Variants in CILK1 observed in about 807,000 individuals in gnomAD.
CILK1 encodes ciliogenesis associated kinase 1.
In CILK1, 47 loss-of-function variants were observed where a neutral mutation model predicts 79.2. The ratio of observed to expected loss-of-function variants is 0.59; its 90% CI spans 0.47 to 0.76. The LOEUF is 0.76. CILK1 is among the 30% of genes least tolerant of loss of function. CILK1 has a pLI of 0.00. For missense variants in CILK1, 660 were observed against 769.5 expected (o/e 0.86, Z 1.68); for synonymous variants, 266 against 275.9 (o/e 0.96, Z 0.36).
intron 5 of CILK1, among the ~76,000 whole-genome samples, chr6:53,022,025 A>T (rs1004155232): frequency 2.0e-5 from 3 of 152,178 alleles, no homozygotes; most frequent in African/African-American, 7.2e-5. Flanking sequence ...CAAAAAAGTT[A>T]AAAAAGTAAT....
chr6:53,059,908 A>C (rs1183916300), intron 1 of CILK1, among the ~76,000 whole-genome samples: 2 of 152,204 alleles, frequency 1.3e-5, no homozygotes, highest in African/African-American at 4.8e-5. Context: ...GAGCTTACTA[A>C]GAGTCAGGCT....
At chr6:53,048,371 C>T (rs954409839) in intron 1 of CILK1, among the ~76,000 whole-genome samples, 8 of 152,120 alleles carry the variant, frequency 5.3e-5, no homozygotes, top group African/African-American at 1.9e-4. Flanking sequence ...AGAACAAGAA[C>T]CATGACCACT....
At position 53,029,581 on chromosome 6, in the gene CILK1, T is replaced by C. The variant is rs566113169; in HGVS notation, c.358+1484A>G. Among the ~76,000 whole-genome samples the C allele has an allele frequency of 2.0e-5, 3 of 152,332 alleles. No homozygotes were observed. In the East Asian group the frequency reaches 5.8e-4, roughly 29 times the overall value. On this transcript the variant is annotated intron_variant, in intron 5 of 13. Coordinates refer to ENST00000676107, the MANE Select transcript of CILK1 (RefSeq NM_014920.5). Reference sequence around the variant, plus strand: ...GCTGGTAATGATCCCAGATGCACTATGCCACCTTCTTCAGCACAAGGTCTT... The same window carrying C: ...GCTGGTAATGATCCCAGATGCACTACGCCACCTTCTTCAGCACAAGGTCTT...
chr6:53,015,261 TG>T (rs1764826872), intron 8 of CILK1, among the ~76,000 whole-genome samples: 1 of 152,220 alleles, frequency 6.6e-6, no homozygotes, highest in Non-Finnish European at 1.5e-5. Flanking sequence ...AGGGGCCAGA[TG>T]TAACTACCAC....
intron 1 of CILK1, among the ~76,000 whole-genome samples, chr6:53,055,057 G>T (rs1056929616): frequency 3.3e-5 from 5 of 152,192 alleles, no homozygotes; most frequent in Admixed American, 2.6e-4. Context: ...TGGGAGTTGT[G>T]GTTTACCAGG....
Position 53,019,303 on chromosome 6 carries a change from C to T in CILK1, c.415G>A (p.Val139Met). ...ENLLCMGPEL[V>M]KIADFGLARE... ...GCCAAACCAAAGTCTGCAATTTTCA[C>T]AAGTTCTGGTCCCATGCAGAGGAGG... Residue 139 changes from valine to methionine, a missense_variant, in exon 6 of 14, where the codon GTG becomes ATG. Transcript: ENST00000676107. The T allele has an allele frequency of 1.2e-6, 2 of 1,614,052 alleles. No individual in the cohort carries two copies. The highest frequency in any genetic ancestry group is 1.7e-6 in the Non-Finnish European group (2 of 1,179,920).
intron 4 of CILK1, among the ~76,000 whole-genome samples, chr6:53,031,727 A>C (rs1005561821): frequency 6.6e-6 from 1 of 152,224 alleles, no homozygotes; most frequent in Non-Finnish European, 1.5e-5. Flanking sequence ...AGGTCTCAAA[A>C]TCCAGGAAGC....
In CILK1 at chr6:53,030,940, T is replaced by G. The variant is rs1169338090; in HGVS notation, c.358+125A>C. The G allele has an allele frequency of 2.6e-5, 18 of 705,836 alleles. No homozygotes were observed. In the Admixed American group the frequency reaches 3.8e-4, roughly 15 times the overall value. 43.7% of individuals were successfully genotyped at this position (705,836 alleles called of 1,614,324 possible). A position where few individuals can be genotyped will look rare whatever the true frequency, so the allele number is the denominator to read the frequency against. On this transcript the variant is annotated intron_variant, in intron 5 of 13. Transcript: ENST00000676107. ...AGTTAATATATTTTAAAATCCATTGTCAGCCTCTCAACTCTTCAACCTTTT... is the reference window on the plus strand; with the variant it reads ...AGTTAATATATTTTAAAATCCATTGGCAGCCTCTCAACTCTTCAACCTTTT...
intron 8 of CILK1, among the ~76,000 whole-genome samples, chr6:53,014,697 A>G (rs986713348): frequency 6.6e-5 from 10 of 152,154 alleles, no homozygotes; most frequent in Non-Finnish European, 1.2e-4. Context: ...GTGTAGATAC[A>G]GAGGCAATTA....
In CILK1 at chr6:53,004,104, ACCTCTGCCATAACTCTTTCTGCTC is replaced by A. The variant is rs1764080702; in HGVS notation, c.*1021_*1044del. The stretch of plus-strand genomic sequence containing the variant: ...GACTGTGACTTTGTAGATGAGTGGA[ACCTCTGCCATAACTCTTTCTGCTC>A]CCCAAATTGTCCTGAGAATTTGGCT... On this transcript the variant is annotated 3_prime_UTR_variant, in exon 14 of 14. Transcript: ENST00000676107. The A allele has an allele frequency of 6.6e-6, 1 of 152,664 alleles. No individual in the cohort carries two copies. Among genetic ancestry groups the A allele is most frequent in the Non-Finnish European group, 1.5e-5 (1 of 68,052 alleles). 9.5% of individuals were successfully genotyped at this position (152,664 alleles called of 1,614,324 possible).
Position 53,032,591 on chromosome 6 carries a change from G to C in CILK1, c.220C>G (p.His74Asp), listed in dbSNP as rs1029888913. The C allele has an allele frequency of 6.2e-7, 1 of 1,605,532 alleles. No individual in the cohort carries two copies. Among genetic ancestry groups the C allele is most frequent in the Non-Finnish European group, 8.5e-7 (1 of 1,173,476 alleles). Residue 74 changes from histidine (H) to aspartate (D), a missense_variant, in exon 4 of 14, where the codon CAT becomes GAT. His to Asp is a moderately conservative substitution (Grantham distance 81). Coordinates refer to ENST00000676107, the MANE Select transcript of CILK1 (RefSeq NM_014920.5). ...ATGTACTCGAAGATAAAATAAAGAT[G>C]ATCATTTTCCCTGATAACTTCTTTT... ...KLKEVIREND[H>D]LYFIFEYMKE...
In CILK1 at chr6:53,045,250, TA is replaced by T. The variant is rs1766982651; in HGVS notation, c.-172-3843del. ...AATAGATTGGATTCAGGCTGTGCCTTAACCCAAAAAGTATATTTGGACCACA... is the reference window on the plus strand; with the variant it reads ...AATAGATTGGATTCAGGCTGTGCCTTACCCAAAAAGTATATTTGGACCACA... On this transcript the variant is annotated intron_variant, in intron 1 of 13. Transcript: ENST00000676107. 2.0e-5 allele frequency among the ~76,000 whole-genome samples: 3 copies of T among 152,340 alleles called. No homozygotes were observed. In the South Asian group the frequency reaches 6.2e-4, roughly 32 times the overall value.
At chr6:53,028,944 T>A (rs1056485596) in intron 5 of CILK1, among the ~76,000 whole-genome samples, 1 of 152,076 alleles carries the variant, frequency 6.6e-6, no homozygotes, top group African/African-American at 2.4e-5. Flanking sequence ...GTGTGGTCTA[T>A]GTGTTTGTGT....
chr6:53,053,052 G>GAAA (rs11413920), intron 1 of CILK1, among the ~76,000 whole-genome samples: 2 of 143,060 alleles, frequency 1.4e-5, no homozygotes. Flanking sequence ...GTAAAAGCCT[G>GAAA]AAAAAAAAAA....
Position 53,013,820 on chromosome 6 carries a change from G to A in CILK1, c.994C>T (p.Arg332Ter), listed in dbSNP as rs1294631842. The change falls in exon 9 of 14, where the codon CGA becomes TGA. Residue 332 changes from arginine to a stop codon, truncating the protein, a stop_gained. Coordinates refer to ENST00000676107, the MANE Select transcript of CILK1 (RefSeq NM_014920.5). LOFTEE classifies it high-confidence loss of function. ...GCTTGATGCTGTCGTGAAGAAATTC[G>A]TGTGTGTGGCTTGGCTGGTGGCTGG... ...PAQPPAKPHT[R>*]ISSRQHQASQ... 4.3e-6 allele frequency: 7 copies of A among 1,613,740 alleles called. No homozygotes were observed. Among genetic ancestry groups the A allele is most frequent in the African/African-American group, 2.7e-5 (2 of 74,874 alleles).
Position 53,011,760 on chromosome 6 carries a change from T to G in CILK1, c.1492+9A>C. 1 of 1,612,306 alleles carries G rather than the reference T, an allele frequency of 6.2e-7. No individual in the cohort carries two copies. The highest frequency in any genetic ancestry group is 1.1e-5 in the South Asian group (1 of 91,052). The stretch of plus-strand genomic sequence containing the variant: ...AATAATCAAAGTAAAGCCAAGTCAT[T>G]TATATTACCAGGCAAGTATCGAGAG... On this transcript the variant is annotated intron_variant, in intron 11 of 13. Coordinates refer to ENST00000676107, the MANE Select transcript of CILK1 (RefSeq NM_014920.5).
At chr6:53,016,483 G>C (rs1764903311) in intron 7 of CILK1, among the ~76,000 whole-genome samples, 1 of 152,000 alleles carries the variant, frequency 6.6e-6, no homozygotes, top group Non-Finnish European at 1.5e-5. Context: ...CACTGGATTT[G>C]CCAACTTAAT....
chr6:53,031,424 C>A (rs1166274359), intron 4 of CILK1, among the ~76,000 whole-genome samples: 1 of 152,116 alleles, frequency 6.6e-6, no homozygotes, highest in Non-Finnish European at 1.5e-5. Flanking sequence ...CCAGATGAAG[C>A]CCTTATGCAA....
chr6:53,030,408 G>T (rs1187900270), intron 5 of CILK1, among the ~76,000 whole-genome samples: 1 of 152,168 alleles, frequency 6.6e-6, no homozygotes, highest in Non-Finnish European at 1.5e-5. Context: ...CTTTTCTTGG[G>T]TAACTGGTCT....
Sources: allele counts gnomAD v4.1 joint callset (sites outside exome capture counted in the v4.1 genomes callset), GRCh38; gene constraint gnomAD v4.1.1; transcripts MANE v1.5; gene names NCBI Gene and HGNC (gene_info 2026-07-23, HGNC 2026-07-21).